LAMA4: variants seen among roughly 807,000 people sequenced by gnomAD.
LAMA4 encodes laminin subunit alpha-4.
Under a neutral mutation model 207.1 loss-of-function variants are expected in LAMA4, and 127 were observed. The observed-to-expected ratio is 0.61, with a 90% CI of 0.53 to 0.71. LAMA4 has a LOEUF of 0.71. LAMA4 is among the 30% of genes least tolerant of loss of function. The probability of loss-of-function intolerance (pLI) is 0.00; values close to 1 mark genes in which losing one functional copy is unlikely to be tolerated. For missense variants in LAMA4, 2,093 were observed against 2,246.5 expected (o/e 0.93, Z 1.38); for synonymous variants, 761 against 816.0 (o/e 0.93, Z 1.15).
chr6:112,120,412 T>G lies in LAMA4; in HGVS notation c.4536A>C (p.Ser1512=). ...RSSHGMIFYV[S]DQEENDFMTL... ...TCATGAAGTCATTCTCTTCTTGATC[T>G]GAGACATAGAAGATCATGCCATGGG... is the stretch of plus-strand genomic sequence containing the variant. The change falls in exon 33 of 39, where the codon TCA becomes TCC. Residue 1512 remains serine (S), a synonymous_variant. Coordinates refer to ENST00000230538, the MANE Select transcript of LAMA4 (RefSeq NM_001105206.3). 1.2e-6 allele frequency: 2 copies of G among 1,613,890 alleles called. No homozygotes were observed. The highest frequency in any genetic ancestry group is 1.7e-6 in the Non-Finnish European group (2 of 1,179,792).
chr6:112,171,175 T>A (rs1781686255), intron 12 of LAMA4, among the ~76,000 whole-genome samples: 1 of 152,204 alleles, frequency 6.6e-6, no homozygotes, highest in African/African-American at 2.4e-5. Context: ...ACTTTGATAT[T>A]TTCTATTCCC....
chr6:112,248,491 T>C (rs1584017677), intron 2 of LAMA4, among the ~76,000 whole-genome samples: 1 of 127,524 alleles, frequency 7.8e-6, no homozygotes, highest in East Asian at 2.1e-4. Flanking sequence ...AGAGGGAGAC[T>C]CTGTCTCAAA....
intron 11 of LAMA4, 131 bp from the exon 12 acceptor site, chr6:112,172,935 A>C: frequency 2.8e-6 from 2 of 709,734 alleles, no homozygotes; most frequent in Non-Finnish European, 5.0e-6. Context: ...GCTATTGTTC[A>C]CAAAATTAGC....
intron 17 of LAMA4, among the ~76,000 whole-genome samples, chr6:112,150,222 C>CACAG (rs1780302732): frequency 6.7e-6 from 1 of 149,516 alleles, no homozygotes; most frequent in Admixed American, 6.6e-5. Flanking sequence ...CACACACACA[C>CACAG]ACACACACAC....
chr6:112,231,445 A>T (rs1319115311), intron 2 of LAMA4, among the ~76,000 whole-genome samples: 1 of 152,226 alleles, frequency 6.6e-6, no homozygotes, highest in African/African-American at 2.4e-5. Flanking sequence ...TTCTCAATTT[A>T]AATACAATAA....
intron 22 of LAMA4, among the ~76,000 whole-genome samples, chr6:112,140,508 G>T (rs1267989726): frequency 2.6e-5 from 4 of 152,156 alleles, no homozygotes; most frequent in Non-Finnish European, 5.9e-5. Flanking sequence ...AATTACATAT[G>T]CATGTATCAG....
chr6:112,217,157 C>T (rs1387632610), intron 2 of LAMA4, among the ~76,000 whole-genome samples: 1 of 152,066 alleles, frequency 6.6e-6, no homozygotes, highest in Non-Finnish European at 1.5e-5. Flanking sequence ...TGCTAAGTGG[C>T]TTTTGGGGAT....
At chr6:112,172,487 A>G (rs1377232874) in intron 12 of LAMA4, 124 bp downstream of exon 12, 13 of 876,078 alleles carry the variant, frequency 1.5e-5, no homozygotes, top group Non-Finnish European at 2.2e-5. Context: ...AAACACACCA[A>G]TATTTTAAAA....
chr6:112,218,426 A>C (rs143290456), intron 2 of LAMA4: 11 of 152,346 alleles, frequency 7.2e-5, no homozygotes, highest in African/African-American at 2.6e-4. Context: ...AGCATCTCTC[A>C]CAATGCCTTG....
intron 5 of LAMA4, among the ~76,000 whole-genome samples, chr6:112,194,008 T>C (rs1315337861): frequency 6.6e-6 from 1 of 152,238 alleles, no homozygotes; most frequent in Admixed American, 6.5e-5. Context: ...GGGATGAATG[T>C]AAATTCTACA....
At position 112,129,991 on chromosome 6, in the gene LAMA4, T is replaced by C. The variant is rs782058155; in HGVS notation, c.4018A>G (p.Lys1340Glu). 1 of 1,613,472 alleles carries C rather than the reference T, an allele frequency of 6.2e-7. No homozygotes were observed. Among genetic ancestry groups the C allele is most frequent in the East Asian group, 2.2e-5 (1 of 44,854 alleles). The change falls in exon 30 of 39, where the codon AAA becomes GAA. Residue 1340 changes from lysine to glutamate, a missense_variant. Around this residue, in one of 3 missense-constraint regions of LAMA4, gnomAD observed 1,704 missense variants for 1,788.4 expected, o/e 0.95. Transcript: ENST00000230538. Reference protein sequence around the residue: ...KSRVGSKNPTKGKIEQTQASE... With the variant: ...KSRVGSKNPTEGKIEQTQASE... ...GCTTGTGTCTGTTCTATTTTCCCTT[T>C]GGTAGGATTCTTACTCCCAACTCTG...
At chr6:112,220,262 A>G (rs567913249) in intron 2 of LAMA4, among the ~76,000 whole-genome samples, 1 of 152,320 alleles carries the variant, frequency 6.6e-6, no homozygotes, top group East Asian at 1.9e-4. Context: ...GACTCCTATT[A>G]TCACAGCTTG....
At chr6:112,127,942 T>A (rs180849330) in intron 31 of LAMA4, among the ~76,000 whole-genome samples, 1 of 152,232 alleles carries the variant, frequency 6.6e-6, no homozygotes, top group African/African-American at 2.4e-5. Flanking sequence ...AGAATAGTAG[T>A]CAGGTTGGAA....
At chr6:112,235,552 T>C (rs1644591917) in intron 2 of LAMA4, among the ~76,000 whole-genome samples, 1 of 152,198 alleles carries the variant, frequency 6.6e-6, no homozygotes, top group Non-Finnish European at 1.5e-5. Context: ...GGAAGTTTCT[T>C]AAGGTCATGT....
In LAMA4 at chr6:112,122,184, A is replaced by G. The variant is rs147800037; in HGVS notation, c.4305T>C (p.Asp1435=). The part of the protein sequence containing the change: ...SQNKKGGKSK[D]APSWDPVALK... Reference sequence around the variant, plus strand: ...GAGCAACAGGATCCCATGAAGGTGCATCTTTACTTTTCCCTCCCTATAAAA... The same window carrying G: ...GAGCAACAGGATCCCATGAAGGTGCGTCTTTACTTTTCCCTCCCTATAAAA... The change falls in exon 32 of 39, where the codon GAT becomes GAC. Residue 1435 remains aspartate (D), a synonymous_variant. Transcript: ENST00000230538. The G allele has an allele frequency of 1.9e-5, 30 of 1,613,672 alleles. No homozygotes were observed. The African/African-American group carries it at 3.1e-4, about 17-fold the overall frequency.
At chr6:112,251,941 C>G (rs1787489542) in intron 2 of LAMA4, among the ~76,000 whole-genome samples, 2 of 152,020 alleles carry the variant, frequency 1.3e-5, no homozygotes, top group South Asian at 4.1e-4. Context: ...CATTTTTTTT[C>G]CAGCTGGAAG....
rs1562714338 is a variant in LAMA4, at chr6:112,190,928, TTTCTTTCTTTCTTTCTTTCCTTTC to T, written c.718+684_718+707del. On this transcript the variant is annotated intron_variant, in intron 6 of 38. Transcript: ENST00000230538. ...CTTTCTTTCTTTCTTTCTTTCTTTC[TTTCTTTCTTTCTTTCTTTCCTTTC>T]TTTCTTTCTTTCTTTCTTTCTTTCT... 1.2e-3 allele frequency among the ~76,000 whole-genome samples: 124 copies of T among 100,618 alleles called. 2 individuals carry two copies. In the South Asian group the frequency reaches 0.014, roughly 11 times the overall value. 66.0% of individuals were successfully genotyped at this position (100,618 alleles called of 152,430 possible).
intron 27 of LAMA4, 23 bp from the exon 28 acceptor site, chr6:112,132,913 A>G: frequency 6.2e-7 from 1 of 1,611,298 alleles, no homozygotes; most frequent in Non-Finnish European, 8.5e-7. Flanking sequence ...ACAAGTGGAG[A>G]TAGTGTTTTT....
intron 11 of LAMA4, among the ~76,000 whole-genome samples, 160 bp from the exon 12 acceptor site, chr6:112,172,964 AG>A (rs1781811329): frequency 6.6e-6 from 1 of 152,200 alleles, no homozygotes; most frequent in Non-Finnish European, 1.5e-5. Context: ...TTAGATTTGA[AG>A]TAAAAAATGC....
Sources: allele counts gnomAD v4.1 joint callset (sites outside exome capture counted in the v4.1 genomes callset), GRCh38; gene constraint gnomAD v4.1.1; regional missense constraint gnomAD v4.1.1; transcripts MANE v1.5; gene names NCBI Gene and HGNC (gene_info 2026-07-23, HGNC 2026-07-21).